PNKD: variants seen among roughly 807,000 people sequenced by gnomAD.
PNKD encodes the protein PNKD metallo-beta-lactamase domain containing.
PNKD carries 36 observed loss-of-function variants against 45.3 expected under a neutral mutation model. The observed-to-expected ratio is 0.80, with a 90% confidence interval of 0.61 to 1.05. The LOEUF (loss-of-function observed/expected upper bound fraction) is 1.05. Among genes scored for constraint, PNKD ranks in the 50% least tolerant of loss-of-function variants. The pLI is 0.00. For missense variants in PNKD, 511 were observed against 506.6 expected (o/e 1.01, Z -0.08); for synonymous variants, 197 against 210.1 (o/e 0.94, Z 0.54).
At chr2:218,323,221 C>G (rs1304321619) in intron 2 of PNKD, 2 of 1,437,124 alleles carry the variant, frequency 1.4e-6, no homozygotes, top group East Asian at 6.0e-5. Context: ...CGGGCCGTTG[C>G]CTAGCAACGC....
At chr2:218,334,589 G>T (rs1373120667) in intron 2 of PNKD, 1 of 641,416 alleles carries the variant, frequency 1.6e-6, no homozygotes, top group Non-Finnish European at 2.8e-6. Flanking sequence ...GGACATTAAG[G>T]CTGCAGTGAG....
chr2:218,284,287 G>A (rs1692320069), intron 2 of PNKD: 1 of 152,210 alleles, frequency 6.6e-6, no homozygotes, highest in East Asian at 1.9e-4. Flanking sequence ...AGGTGGGGGC[G>A]ACACGACCTC....
intron 2 of PNKD, chr2:218,272,567 T>C (rs184617096): frequency 5.6e-6 from 9 of 1,613,532 alleles, no homozygotes; most frequent in Middle Eastern, 1.7e-4. Context: ...TCCCCACCCG[T>C]AGGGCCATCG....
At chr2:218,296,289 G>C (rs1245277734) in intron 2 of PNKD, among the ~76,000 whole-genome samples, 1 of 152,198 alleles carries the variant, frequency 6.6e-6, no homozygotes, top group Non-Finnish European at 1.5e-5. Context: ...CTACCTAGGA[G>C]GAAAGTGGAG....
intron 2 of PNKD, among the ~76,000 whole-genome samples, chr2:218,331,175 G>A (rs1344860250): frequency 2.0e-5 from 3 of 152,178 alleles, no homozygotes; most frequent in East Asian, 3.9e-4. Context: ...AGCACTTTGG[G>A]AGGGCGAGGC....
intron 2 of PNKD, among the ~76,000 whole-genome samples, chr2:218,321,803 T>C (rs1251079564): frequency 6.6e-6 from 1 of 151,916 alleles, no homozygotes; most frequent in African/African-American, 2.4e-5. Flanking sequence ...TAATTTTGTA[T>C]TTTTAGTAGA....
intron 2 of PNKD, among the ~76,000 whole-genome samples, chr2:218,301,098 GAATA>G (rs1291079078): frequency 1.3e-5 from 2 of 152,070 alleles, no homozygotes; most frequent in East Asian, 3.8e-4. Flanking sequence ...GAAAGTAGAG[GAATA>G]AAGAATGGCT....
chr2:218,277,768 C>T (rs2271543), intron 2 of PNKD: 610,727 of 1,567,258 alleles, frequency 0.39, 120,950 homozygotes, highest in Middle Eastern at 0.49. Context: ...AGCTGGGGAA[C>T]GCCACCAAGT....
At chr2:218,302,480 G>C (rs1212066744) in intron 2 of PNKD, among the ~76,000 whole-genome samples, 1 of 152,194 alleles carries the variant, frequency 6.6e-6, no homozygotes, top group Non-Finnish European at 1.5e-5. Flanking sequence ...TAAGCAGAAG[G>C]ATCAAGCTAT....
At chr2:218,283,464 C>T (rs1187042303) in intron 2 of PNKD, among the ~76,000 whole-genome samples, 2 of 152,170 alleles carry the variant, frequency 1.3e-5, no homozygotes, top group African/African-American at 4.8e-5. Flanking sequence ...GCTAAGGAAG[C>T]CCCTAGAGGG....
At chr2:218,286,011 G>T (rs1042182460) in intron 2 of PNKD, 1 of 154,906 alleles carries the variant, frequency 6.5e-6, no homozygotes, top group Non-Finnish European at 1.5e-5. Context: ...GGCTAGAGAA[G>T]AATGGAGGGT....
chr2:218,310,413 G>A (rs1330605410), intron 2 of PNKD, among the ~76,000 whole-genome samples: 2 of 151,488 alleles, frequency 1.3e-5, no homozygotes, highest in Non-Finnish European at 2.9e-5. Context: ...TAGTAGAGAT[G>A]GGGTTTCACC....
chr2:218,272,873 C>A (rs1690906566), intron 2 of PNKD: 1 of 1,595,242 alleles, frequency 6.3e-7, no homozygotes. Context: ...CAGGCTGTTG[C>A]CAAACCCTAC....
chr2:218,330,868 G>A (rs1694296993), intron 2 of PNKD, among the ~76,000 whole-genome samples: 1 of 152,250 alleles, frequency 6.6e-6, no homozygotes, highest in Admixed American at 6.5e-5. Context: ...GGAAGCCCAT[G>A]GAGAGAGCGT....
At chr2:218,277,103 C>T in intron 2 of PNKD, 1 of 1,613,622 alleles carries the variant, frequency 6.2e-7, no homozygotes, top group Non-Finnish European at 8.5e-7. Context: ...AGTCCACCTG[C>T]CAGGAAGCAA....
At chr2:218,275,564 C>T (rs762435410) in intron 2 of PNKD, 52 of 1,613,838 alleles carry the variant, frequency 3.2e-5, no homozygotes, top group African/African-American at 1.1e-4. Flanking sequence ...ATGTAGTCCT[C>T]GGGGCTGATG....
At chr2:218,276,183 G>A (rs1691190878) in intron 2 of PNKD, 1 of 1,253,958 alleles carries the variant, frequency 8.0e-7, no homozygotes. Context: ...GGGTAGAGCT[G>A]GGAAGCTAGC....
intron 2 of PNKD, among the ~76,000 whole-genome samples, chr2:218,299,108 T>TTTTA (rs1047310076): frequency 1.3e-5 from 2 of 152,154 alleles, no homozygotes; most frequent in East Asian, 1.9e-4. Flanking sequence ...TGTTCCTTTA[T>TTTTA]TTTATTTATT....
intron 2 of PNKD, among the ~76,000 whole-genome samples, chr2:218,287,603 G>C (rs1454363798): frequency 6.6e-6 from 1 of 152,118 alleles, no homozygotes; most frequent in Admixed American, 6.5e-5. Flanking sequence ...CCAGCTACTC[G>C]GGAGGCTGAG....
Sources: allele counts gnomAD v4.1 joint callset (sites outside exome capture counted in the v4.1 genomes callset), GRCh38; gene constraint gnomAD v4.1.1; transcripts MANE v1.5; gene names NCBI Gene and HGNC (gene_info 2026-07-23, HGNC 2026-07-21).